KRABD3: variants seen among roughly 807,000 people sequenced by gnomAD.
KRABD3 encodes KRAB domain-containing protein 3.
chr7:149,731,467 A>G, the KRABD3 span, among the ~76,000 whole-genome samples: 9 of 152,214 alleles, frequency 5.9e-5, no homozygotes, highest in African/African-American at 2.2e-4. Context: ...AGCCCCCTGC[A>G]TACAGGGCAG....
At chr7:149,724,883 C>G in the KRABD3 span, 165 of 1,499,426 alleles carry the variant, frequency 1.1e-4, no homozygotes, top group African/African-American at 2.0e-3. Flanking sequence ...TGGTGGTCTT[C>G]CCCATGGGCT....
chr7:149,729,382 C>CA, the KRABD3 span: 1 of 1,449,358 alleles, frequency 6.9e-7, no homozygotes, highest in East Asian at 2.7e-5. Context: ...TGAGCTGGCA[C>CA]CTGCCCTCGG....
At chr7:149,724,685 C>T in the KRABD3 span, 1 of 1,548,068 alleles carries the variant, frequency 6.5e-7, no homozygotes, top group Non-Finnish European at 8.7e-7. Flanking sequence ...CCTCCCCATC[C>T]TGATCTTGGA....
chr7:149,723,657 C>CT, the KRABD3 span: 1 of 1,474,236 alleles, frequency 6.8e-7, no homozygotes, highest in Non-Finnish European at 9.3e-7. Context: ...GCCCTTCTAA[C>CT]TTGTCCCCTG....
chr7:149,726,245 G>T, the KRABD3 span, among the ~76,000 whole-genome samples: 18,566 of 152,116 alleles, frequency 0.12, 1,191 homozygotes, highest in Middle Eastern at 0.23. Flanking sequence ...GGTGGAGAGG[G>T]GGCTCCGTTT....
At chr7:149,720,210 G>A in the KRABD3 span, 1 of 1,465,100 alleles carries the variant, frequency 6.8e-7, no homozygotes, top group South Asian at 1.3e-5. Flanking sequence ...AGCCTACTCA[G>A]TCCAGCCTCT....
At chr7:149,726,021 G>T in the KRABD3 span, 1 of 1,612,976 alleles carries the variant, frequency 6.2e-7, no homozygotes, top group Non-Finnish European at 8.5e-7. Context: ...CCTGGATTTT[G>T]GGAGTCCTGT....
chr7:149,717,196 T>C, the KRABD3 span, among the ~76,000 whole-genome samples: 5 of 152,194 alleles, frequency 3.3e-5, no homozygotes, highest in Admixed American at 1.3e-4. Context: ...CAGAATGTCA[T>C]GTGGGAACCC....
the KRABD3 span, chr7:149,733,581 G>A: frequency 1.3e-6 from 2 of 1,599,482 alleles, no homozygotes; most frequent in African/African-American, 2.7e-5. Flanking sequence ...CCCTACTGGA[G>A]GCAGAAGGGA....
chr7:149,718,843 C>CA, the KRABD3 span, among the ~76,000 whole-genome samples: 1 of 152,054 alleles, frequency 6.6e-6, no homozygotes, highest in East Asian at 1.9e-4. Context: ...GAAACATAGA[C>CA]AAAAATGCTC....
the KRABD3 span, among the ~76,000 whole-genome samples, chr7:149,732,617 T>TTA: frequency 1.4e-5 from 2 of 147,852 alleles, no homozygotes; most frequent in African/African-American, 5.0e-5. The surrounding 1 kb of genome is among the most constrained non-coding windows in gnomAD (Gnocchi z 4.0). Context: ...GATCTTTTTT[T>TTA]AAAAAAAACA....
At chr7:149,717,372 T>C in the KRABD3 span, among the ~76,000 whole-genome samples, 1 of 152,258 alleles carries the variant, frequency 6.6e-6, no homozygotes, top group Non-Finnish European at 1.5e-5. Context: ...TGAGCCCTCC[T>C]GGCAAGCAGG....
chr7:149,730,319 T>G, the KRABD3 span: 1,434,434 of 1,546,302 alleles, frequency 0.93, 665,855 homozygotes, highest in East Asian at 1. Flanking sequence ...CAGAGCCTGA[T>G]CTCTGGAAGC....
At chr7:149,719,386 C>T in the KRABD3 span, 3 of 683,466 alleles carry the variant, frequency 4.4e-6, no homozygotes, top group Admixed American at 3.4e-5. The surrounding 1 kb of genome is among the most constrained non-coding windows in gnomAD (Gnocchi z 5.6). Context: ...ACACAGCTCA[C>T]CCCCAGCACT....
At chr7:149,729,514 A>G in the KRABD3 span, 1 of 1,258,332 alleles carries the variant, frequency 7.9e-7, no homozygotes, top group Non-Finnish European at 1.0e-6. Context: ...CCAAACAGAA[A>G]CTGAGGTTCG....
the KRABD3 span, chr7:149,733,471 G>A: frequency 1.2e-3 from 1,867 of 1,582,398 alleles, 1 homozygote; most frequent in Non-Finnish European, 1.4e-3. Flanking sequence ...ATCGGCTGGG[G>A]AGGCGCCCCC....
the KRABD3 span, among the ~76,000 whole-genome samples, chr7:149,717,363 G>A: frequency 6.6e-6 from 1 of 152,244 alleles, no homozygotes; most frequent in Non-Finnish European, 1.5e-5. Context: ...AAGCCAGCCT[G>A]AGCCCTCCTG....
the KRABD3 span, among the ~76,000 whole-genome samples, chr7:149,718,422 A>T: frequency 1.3e-5 from 2 of 151,768 alleles, no homozygotes; most frequent in Non-Finnish European, 2.9e-5. Context: ...CTTAATTTGC[A>T]CAGTTAATTT....
chr7:149,717,427 G>A, the KRABD3 span, among the ~76,000 whole-genome samples: 1 of 152,254 alleles, frequency 6.6e-6, no homozygotes, highest in Non-Finnish European at 1.5e-5. Flanking sequence ...ACGCTCTTCT[G>A]CATAGACCCT....
Sources: allele counts gnomAD v4.1 joint callset (sites outside exome capture counted in the v4.1 genomes callset), GRCh38; gene constraint gnomAD v4.1.1; non-coding constraint Gnocchi (gnomAD v3.1); transcripts MANE v1.5; gene names NCBI Gene and HGNC (gene_info 2026-07-23, HGNC 2026-07-21).